Variants in CYP17A1 observed in about 807,000 individuals in gnomAD.
The protein encoded by CYP17A1 is cytochrome P450 family 17 subfamily A member 1, also known as steroid 17-alpha-hydroxylase/17,20 lyase.
Under a neutral mutation model 38.5 loss-of-function variants are expected in CYP17A1, and 27 were observed. The ratio of observed to expected loss-of-function variants is 0.70; its 90% CI spans 0.52 to 0.97. CYP17A1 has a LOEUF of 0.97. Ranked by LOEUF, CYP17A1 falls within the 50% of genes least tolerant of loss-of-function variation. CYP17A1 has a pLI of 0.00. For synonymous variants in CYP17A1, 263 were observed against 253.3 expected (o/e 1.04, Z -0.36); for missense variants, 549 against 645.9 (o/e 0.85, Z 1.63).
Position 102,832,578 on chromosome 10 carries a change from G to A in CYP17A1, c.1072C>T (p.Arg358Ter), listed in dbSNP as rs2134082367. The change falls in exon 6 of 8, where the codon CGA (arginine) becomes TGA (stop). Residue 358 changes from arginine (R) to a stop codon, truncating the protein, a stop_gained. Transcript: ENST00000369887. LOFTEE classifies it high-confidence loss of function. Reference protein sequence around the residue: ...NRLLLLEATIREVLRLRPVAP... With the variant: ...NRLLLLEATI ...ACGGGCCTGAGGCGAAGCACCTCTC[G>A]GATGGTGGCCTCCAGCAGGAGGAGA... 1.9e-6 allele frequency: 3 copies of A among 1,610,240 alleles called. No individual in the cohort carries two copies. The highest frequency in any genetic ancestry group is 1.1e-5 in the South Asian group (1 of 91,002).
intron 1 of CYP17A1, among the ~76,000 whole-genome samples, chr10:102,835,866 G>A (rs1792203109): frequency 3.9e-5 from 6 of 152,152 alleles, no homozygotes; most frequent in Admixed American, 3.9e-4. Context: ...ACCTCACTCA[G>A]GTTTACCCTT....
At chr10:102,833,631 T>G in intron 4 of CYP17A1, 1 of 281,962 alleles carries the variant, frequency 3.5e-6, no homozygotes, top group Non-Finnish European at 6.8e-6. Flanking sequence ...TAATTTTGTA[T>G]TTTTAGTAGA....
At chr10:102,831,239 G>A (rs189645741) in intron 7 of CYP17A1, among the ~76,000 whole-genome samples, 84 of 152,368 alleles carry the variant, frequency 5.5e-4, no homozygotes, top group Admixed American at 2.9e-3. Flanking sequence ...AGCACCATCC[G>A]AGGGGAGAAG....
At chr10:102,833,431 A>C (rs1590203411) in intron 4 of CYP17A1, 1 of 709,148 alleles carries the variant, frequency 1.4e-6, no homozygotes, top group Admixed American at 3.2e-5. Context: ...TCAGTTCCTC[A>C]CTTTTCGATC....
intron 1 of CYP17A1, chr10:102,835,708 T>G: frequency 2.5e-6 from 1 of 406,002 alleles, no homozygotes; most frequent in Non-Finnish European, 4.7e-6. Context: ...CTCATCAGTT[T>G]CTGACCACAG....
chr10:102,834,114 G>T lies in CYP17A1; in HGVS notation c.675C>A (p.Pro225=). The T allele has an allele frequency of 8.0e-7, 1 of 1,251,972 alleles. No homozygotes were observed. Among genetic ancestry groups the T allele is most frequent in the Non-Finnish European group, 1.2e-6 (1 of 849,150 alleles). 77.6% of individuals were successfully genotyped at this position (1,251,972 alleles called of 1,614,324 possible). Reference sequence around the variant, plus strand: ...TCTTTAATTTTTCCAGGGTTTTGTTGGGGAAAATCTGGGAAATAAAAAGAA... The same window carrying T: ...TCTTTAATTTTTCCAGGGTTTTGTTTGGGAAAATCTGGGAAATAAAAAGAA... ...VDLVPWLKIF[P]NKTLEKLKSH... The change falls in exon 4 of 8, where the codon CCC becomes CCA. Residue 225 remains proline, a synonymous_variant. Coordinates refer to ENST00000369887, the MANE Select transcript of CYP17A1 (RefSeq NM_000102.4).
chr10:102,831,157 A>G (rs1215693306), intron 7 of CYP17A1, among the ~76,000 whole-genome samples, 172 bp from the exon 8 acceptor site: 1 of 149,628 alleles, frequency 6.7e-6, no homozygotes, highest in African/African-American at 2.4e-5. Flanking sequence ...GCTTTCAGGT[A>G]GCCCTTAACG....
intron 4 of CYP17A1, 30 bp downstream of exon 4, chr10:102,834,006 A>G (rs751185851): frequency 2.2e-6 from 2 of 903,280 alleles, no homozygotes; most frequent in South Asian, 2.6e-5. Context: ...TTTTAGCCTA[A>G]CTCATATTCT....
chr10:102,835,496 C>T, intron 1 of CYP17A1, 104 bp from the exon 2 acceptor site: 1 of 965,002 alleles, frequency 1.0e-6, no homozygotes, highest in African/African-American at 1.6e-5. Flanking sequence ...AGGCAGGTAC[C>T]TGGCATGCTG....
At chr10:102,832,448 G>A in intron 6 of CYP17A1, 63 bp downstream of exon 6, 1 of 1,092,170 alleles carries the variant, frequency 9.2e-7, no homozygotes, top group East Asian at 2.3e-5. Flanking sequence ...GGGGAGCCAG[G>A]TGGGCTGGCA....
In CYP17A1 at chr10:102,834,996, G is replaced by A. The variant is rs58822002; in HGVS notation, c.455C>T (p.Thr152Ile). Residue 152 changes from threonine to isoleucine, a missense_variant, in exon 3 of 8, where the codon ACA becomes ATA. Thr to Ile is a moderately conservative substitution (Grantham distance 89). Transcript: ENST00000369887. ...LEKIICQEISTLCDMLATHNG... is the reference protein window; with the variant it reads ...LEKIICQEISILCDMLATHNG... Reference sequence around the variant, plus strand: ...GTGGGTGGCCAGCATATCACACAATGTACTGATTTCCTGACAAACTGAAGG... The same window carrying A: ...GTGGGTGGCCAGCATATCACACAATATACTGATTTCCTGACAAACTGAAGG... 3 of 1,598,438 alleles carry A rather than the reference G, an allele frequency of 1.9e-6. No homozygotes were observed. Among genetic ancestry groups the A allele is most frequent in the South Asian group, 2.2e-5 (2 of 90,876 alleles).
Position 102,837,048 on chromosome 10 carries a change from A to T in CYP17A1, c.297+17T>A, listed in dbSNP as rs776954575. The T allele has an allele frequency of 4.7e-6, 7 of 1,495,620 alleles. No individual in the cohort carries two copies. The highest frequency in any genetic ancestry group is 4.2e-4 in the Middle Eastern group (2 of 4,730). 92.6% of individuals were successfully genotyped at this position (1,495,620 alleles called of 1,614,324 possible). A position where few individuals can be genotyped will look rare whatever the true frequency, so the allele number is the denominator to read the frequency against. Reference sequence around the variant, plus strand: ...GGGGGTGGTGAAGGGGGCAGGGAGGAGATGGGCACCACTTACCATTTGAGG... The same window carrying T: ...GGGGGTGGTGAAGGGGGCAGGGAGGTGATGGGCACCACTTACCATTTGAGG... On this transcript the variant is annotated intron_variant, in intron 1 of 7. Coordinates refer to ENST00000369887, the MANE Select transcript of CYP17A1 (RefSeq NM_000102.4).
chr10:102,837,036 G>A, intron 1 of CYP17A1, 29 bp downstream of exon 1: 1 of 1,402,904 alleles, frequency 7.1e-7, no homozygotes, highest in Non-Finnish European at 1.0e-6. Flanking sequence ...GGTGGTGAAG[G>A]GGGCAGGGAG....
rs1844126437 is a variant in CYP17A1, at chr10:102,834,055, T to G, written c.734A>C (p.Lys245Thr). 1 of 1,234,710 alleles carries G rather than the reference T, an allele frequency of 8.1e-7. No individual in the cohort carries two copies. Among genetic ancestry groups the G allele is most frequent in the Non-Finnish European group, 1.2e-6 (1 of 833,082 alleles). The allele number at this position is 1,234,710 out of a possible 1,614,324, so 76.5% of individuals were successfully genotyped here. A position where few individuals can be genotyped will look rare whatever the true frequency, so the allele number is the denominator to read the frequency against. The stretch of plus-strand genomic sequence containing the variant: ...ACCTACCTTGTAATTTTCAAGTATT[T>G]TATTCAGCAGATCATTTCGTATTTT... Reference protein sequence around the residue: ...HVKIRNDLLNKILENYKEKFR... With the variant: ...HVKIRNDLLNTILENYKEKFR... Residue 245 changes from lysine (K) to threonine (T), a missense_variant, in exon 4 of 8, where the codon AAA (lysine) becomes ACA (threonine). By Grantham distance (78) the Lys-to-Thr change is moderately conservative (BLOSUM62 -1). Transcript: ENST00000369887.
chr10:102,833,809 C>T, intron 4 of CYP17A1: 1 of 482,144 alleles, frequency 2.1e-6, no homozygotes, highest in Non-Finnish European at 3.8e-6. Context: ...CCAGGCTCAT[C>T]TCGAACTCCT....
rs535575638 is a variant in CYP17A1, at chr10:102,837,086, G to A, written c.276C>T (p.Asp92=). 1.7e-5 allele frequency: 27 copies of A among 1,605,892 alleles called. No individual in the cohort carries two copies. The East Asian group carries it at 4.5e-4, about 27-fold the overall frequency. Residue 92 remains aspartate (D), a synonymous_variant, in exon 1 of 8, where the codon GAC becomes GAT. Transcript: ENST00000369887. ...TTACCATTTGAGGCCGCCCAGAGAA[G>A]TCCTTGCCCTTCTTAATAAGCACCT... ...AKEVLIKKGK[D]FSGRPQMATL...
At chr10:102,832,914 G>A (rs1844110474) in intron 5 of CYP17A1, 79 bp downstream of exon 5, 7 of 1,577,324 alleles carry the variant, frequency 4.4e-6, no homozygotes, top group Non-Finnish European at 6.0e-6. Context: ...CAGAAAGCCT[G>A]AGAGAATTGG....
At chr10:102,836,778 CAG>C (rs1317479062) in intron 1 of CYP17A1, 1 of 493,406 alleles carries the variant, frequency 2.0e-6, no homozygotes, top group Non-Finnish European at 3.7e-6. Flanking sequence ...AGTCTAGGCT[CAG>C]AGAGAGGAGT....
rs751361358 is a variant in CYP17A1, at chr10:102,834,945, A to G, written c.506T>C (p.Phe169Ser). The change falls in exon 3 of 8, where the codon TTT becomes TCT. Residue 169 changes from phenylalanine (F) to serine (S), a missense_variant. Transcript: ENST00000369887. Reference protein sequence around the residue: ...THNGQSIDISFPVFVAVTNVI... With the variant: ...THNGQSIDISSPVFVAVTNVI... ...ATTGGTTACCGCCACGAAGACAGGA[A>G]AGGAGATGTCTATGGACTGTCCGTT... 1.2e-6 allele frequency: 2 copies of G among 1,613,148 alleles called. No homozygotes were observed. The highest frequency in any genetic ancestry group is 3.3e-5 in the Admixed American group (2 of 60,000).
Sources: gnomAD v4.1 joint callset for allele counts (sites outside exome capture counted in the v4.1 genomes callset) on GRCh38, gnomAD v4.1.1 for gene constraint, MANE v1.5 for transcripts, NCBI Gene and HGNC (gene_info 2026-07-23, HGNC 2026-07-21) for gene names.